POLD2: variants seen among roughly 807,000 people sequenced by gnomAD.
POLD2 encodes DNA polymerase delta subunit 2.
A neutral mutation model predicts 48.8 loss-of-function variants in POLD2; 31 were observed. The observed-to-expected ratio is 0.64, with a 90% CI of 0.48 to 0.86. POLD2 has a LOEUF of 0.86. Among genes scored for constraint, POLD2 ranks in the 40% least tolerant of loss-of-function variants. The probability of loss-of-function intolerance (pLI) is 0.00; values close to 1 mark genes in which losing one functional copy is unlikely to be tolerated. For missense variants in POLD2, 455 were observed against 610.1 expected, an observed-to-expected ratio of 0.75 and a Z score of 2.68; for synonymous variants, 233 against 256.3, an observed-to-expected ratio of 0.91 and a Z score of 0.87.
intron 2 of POLD2, among the ~76,000 whole-genome samples, chr7:44,118,682 T>C (rs1377081943): frequency 6.6e-6 from 1 of 151,162 alleles, no homozygotes; most frequent in Admixed American, 6.6e-5. Context: ...CCAGCTAATT[T>C]TTTTTTTTTT....
intron 9 of POLD2, 110 bp from the exon 10 acceptor site, chr7:44,115,506 A>C: frequency 1.2e-6 from 1 of 808,962 alleles, no homozygotes; most frequent in Non-Finnish European, 2.1e-6. Context: ...GGAGACCCCC[A>C]GTGTGACAAT....
Position 44,115,038 on chromosome 7 carries a change from A to T in POLD2, c.1250-93T>A, listed in dbSNP as rs115474113. 3.5e-4 allele frequency: 396 copies of T among 1,129,068 alleles called. 1 individual carries two copies. The African/African-American group carries it at 5.5e-3, about 16-fold the overall frequency. The allele number at this position is 1,129,068 out of a possible 1,614,324, so 69.9% of individuals were successfully genotyped here. A position where few individuals can be genotyped will look rare whatever the true frequency, so the allele number is the denominator to read the frequency against. ...GAAATAAACAGGAGTCCCCATTGGC[A>T]CACAGTGGGGCAGTGACAATAGGAG... On this transcript the variant is annotated intron_variant, in intron 10 of 10. Transcript: ENST00000610533.
chr7:44,119,054 C>T lies in POLD2; in HGVS notation c.221-990G>A, dbSNP rs3217956. Among the ~76,000 whole-genome samples, 551 of 134,922 alleles carry T rather than the reference C, an allele frequency of 4.1e-3. 9 individuals carry two copies. The highest frequency in any genetic ancestry group is 0.015 in the African/African-American group (529 of 35,728). The allele number at this position is 134,922 out of a possible 152,430, so 88.5% of individuals were successfully genotyped here. On this transcript the variant is annotated intron_variant, in intron 2 of 10. Transcript: ENST00000610533. ...CCACCAAATGCTTCATCCTCTGAGA[C>T]CAGAGATACTCAAAATGCAGACCTC...
intron 2 of POLD2, 30 bp from the exon 3 acceptor site, chr7:44,118,094 TGAA>T (rs2096243167): frequency 8.1e-6 from 13 of 1,611,792 alleles, no homozygotes; most frequent in Non-Finnish European, 1.1e-5. Context: ...GACTCAGAGA[TGAA>T]GTAGCCCCCC....
At position 44,116,484 on chromosome 7, in the gene POLD2, C is replaced by A; in HGVS notation, c.807G>T (p.Gln269His). Reference protein sequence around the residue: ...NKAKYLTKKTQAASVEAVKML... With the variant: ...NKAKYLTKKTHAASVEAVKML... ...TCTTAACAGCCTCCACGCTGGCTGC[C>A]TGGGTTTTCTTGGTGAGGTATTTGG... The change falls in exon 7 of 11, where the codon CAG becomes CAT. Residue 269 changes from glutamine to histidine, a missense_variant. Coordinates refer to ENST00000610533, the MANE Select transcript of POLD2 (RefSeq NM_006230.4). The surrounding 1 kb of genome is among the most constrained non-coding windows in gnomAD (Gnocchi z 6.1). 1 of 1,582,710 alleles carries A rather than the reference C, an allele frequency of 6.3e-7. No individual in the cohort carries two copies. Among genetic ancestry groups the A allele is most frequent in the East Asian group, 2.3e-5 (1 of 43,672 alleles).
At position 44,116,209 on chromosome 7, in the gene POLD2, G is replaced by C. The variant is rs2096238909; in HGVS notation, c.925C>G (p.Gln309Glu). The change falls in exon 8 of 11, where the codon CAG becomes GAG. Residue 309 changes from glutamine to glutamate, a missense_variant. Physicochemically the swap from Gln to Glu is conservative, Grantham distance 29. This residue lies in a region of POLD2 where 349 missense variants were observed against 437.4 expected (regional missense o/e 0.80). Coordinates refer to ENST00000610533, the MANE Select transcript of POLD2 (RefSeq NM_006230.4). The surrounding 1 kb of genome is among the most constrained non-coding windows in gnomAD (Gnocchi z 6.1). ...GGGAACATGCAGGGGTGGAGGGGCT[G>C]CTGGGGGAGCGTGTAATTGGTGGGA... ...FDPTNYTLPQ[Q>E]PLHPCMFPLA... 1 of 1,613,734 alleles carries C rather than the reference G, an allele frequency of 6.2e-7. No individual in the cohort carries two copies. Among genetic ancestry groups the C allele is most frequent in the South Asian group, 1.1e-5 (1 of 91,076 alleles).
intron 3 of POLD2, 24 bp downstream of exon 3, chr7:44,117,919 C>T (rs1041185539): frequency 6.8e-6 from 11 of 1,611,668 alleles, no homozygotes; most frequent in African/African-American, 1.3e-5. Flanking sequence ...CCTGGCGGCC[C>T]CACTGTGTAG....
At chr7:44,117,766 TA>T in intron 3 of POLD2, 24 bp from the exon 4 acceptor site, 1 of 1,613,804 alleles carries the variant, frequency 6.2e-7, no homozygotes, top group Non-Finnish European at 8.5e-7. Context: ...ACAGGAGGTA[TA>T]ATCTTGGGGC....
rs1583560369 is a variant in POLD2 at position 44,115,482 on chromosome 7, A to G, written c.1148-86T>C. 3 of 917,888 alleles carry G rather than the reference A, an allele frequency of 3.3e-6. No individual in the cohort carries two copies. The East Asian group carries it at 7.2e-5, about 22-fold the overall frequency. The allele number at this position is 917,888 out of a possible 1,614,324, so 56.9% of individuals were successfully genotyped here. A position where few individuals can be genotyped will look rare whatever the true frequency, so the allele number is the denominator to read the frequency against. On this transcript the variant is annotated intron_variant, in intron 9 of 10. Coordinates refer to ENST00000610533, the MANE Select transcript of POLD2 (RefSeq NM_006230.4). Reference sequence around the variant, plus strand: ...ATGTGGGGCTGCAGCCCCTCCTCCCATTGCAGGCCAGTAGGAGACCCCCAG... The same window carrying G: ...ATGTGGGGCTGCAGCCCCTCCTCCCGTTGCAGGCCAGTAGGAGACCCCCAG...
chr7:44,120,210 C>T (rs1583568319), intron 2 of POLD2, among the ~76,000 whole-genome samples: 2 of 152,332 alleles, frequency 1.3e-5, no homozygotes, highest in South Asian at 4.1e-4. Flanking sequence ...ACTGTGGCAG[C>T]TGTTTGGTTT....
At chr7:44,120,379 C>T (rs1391087071) in intron 2 of POLD2, among the ~76,000 whole-genome samples, 1 of 152,100 alleles carries the variant, frequency 6.6e-6, no homozygotes, top group Non-Finnish European at 1.5e-5. Flanking sequence ...AGTAACTGAG[C>T]TCTGAAAGGA....
Position 44,117,815 on chromosome 7 carries a change from C to T in POLD2, c.343-73G>A, listed in dbSNP as rs1395093243. 27 of 1,603,898 alleles carry T rather than the reference C, an allele frequency of 1.7e-5. No homozygotes were observed. In the Admixed American group the frequency reaches 4.0e-4, roughly 24 times the overall value. ...AAGCTCTGGTGTTAGTGAGCTGGCACCGCAGCCCCCACCCCTCTGGAGTCC... is the reference window on the plus strand; with the variant it reads ...AAGCTCTGGTGTTAGTGAGCTGGCATCGCAGCCCCCACCCCTCTGGAGTCC... On this transcript the variant is annotated intron_variant, in intron 3 of 10. Coordinates refer to ENST00000610533, the MANE Select transcript of POLD2 (RefSeq NM_006230.4).
In POLD2 at chr7:44,117,697, C is replaced by G. The variant is rs1163498907; in HGVS notation, c.388G>C (p.Asp130His). The change falls in exon 4 of 11, where the codon GAT becomes CAT. Residue 130 changes from aspartate (D) to histidine (H), a missense_variant. Around this residue, in one of 3 missense-constraint regions of POLD2, gnomAD observed 349 missense variants for 437.4 expected, o/e 0.80. Transcript: ENST00000610533. The stretch of plus-strand genomic sequence containing the variant: ...TCATCTTCCAAGACCAGCTCGTCAT[C>G]TGGGTGTATGTATTTACTCCGAGGA... Reference protein sequence around the residue: ...QPPRSKYIHPDDELVLEDELQ... With the variant: ...QPPRSKYIHPHDELVLEDELQ... 6.2e-7 allele frequency: 1 copy of G among 1,613,276 alleles called. No homozygotes were observed. Among genetic ancestry groups the G allele is most frequent in the Non-Finnish European group, 8.5e-7 (1 of 1,179,762 alleles).
intron 3 of POLD2, 43 bp from the exon 4 acceptor site, chr7:44,117,785 C>T: frequency 6.2e-7 from 1 of 1,612,646 alleles, no homozygotes; most frequent in Non-Finnish European, 8.5e-7. Flanking sequence ...GGCCAGAGCC[C>T]ACCAAAGCTC....
At chr7:44,117,062 C>A (rs756568356) in intron 5 of POLD2, 47 bp from the exon 6 acceptor site, 1 of 1,607,944 alleles carries the variant, frequency 6.2e-7, no homozygotes, top group Non-Finnish European at 8.5e-7. Context: ...AGGGAGGCAG[C>A]CCCTCCTAGG....
In POLD2 at chr7:44,116,141, G is replaced by A. The variant is rs760526663; in HGVS notation, c.993C>T (p.Pro331=). The A allele has an allele frequency of 6.2e-7, 1 of 1,613,748 alleles. No individual in the cohort carries two copies. The highest frequency in any genetic ancestry group is 8.5e-7 in the Non-Finnish European group (1 of 1,180,040). Residue 331 remains proline, a synonymous_variant, in exon 8 of 11, where the codon CCC becomes CCT. Coordinates refer to ENST00000610533, the MANE Select transcript of POLD2 (RefSeq NM_006230.4). This position sits in a 1 kb window ranked among gnomAD's most constrained non-coding sequence, Gnocchi z 6.1. ...AYSTLQLVTN[P]YQATIDGVRF... ...TGACTCCATCAATGGTGGCCTGGTAGGGGTTGGTGACCAGCTGGAGCGTGG... is the reference window on the plus strand; with the variant it reads ...TGACTCCATCAATGGTGGCCTGGTAAGGGTTGGTGACCAGCTGGAGCGTGG...
In POLD2 at chr7:44,118,212, C is replaced by G; in HGVS notation, c.221-148G>C. On this transcript the variant is annotated intron_variant, in intron 2 of 10. Transcript: ENST00000610533. The stretch of plus-strand genomic sequence containing the variant: ...ACATCAAGTACAAGGACCCCCTGGA[C>G]TTCACGGTGACAGTAAAAAGTGAGT... 5.6e-6 allele frequency: 5 copies of G among 895,488 alleles called. No individual in the cohort carries two copies. In the South Asian group the frequency reaches 8.9e-5, roughly 16 times the overall value. The allele number at this position is 895,488 out of a possible 1,614,324, so 55.5% of individuals were successfully genotyped here.
At position 44,121,374 on chromosome 7, in the gene POLD2, C is replaced by T. The variant is rs922110424; in HGVS notation, c.220+460G>A. 2.0e-5 allele frequency among the ~76,000 whole-genome samples: 3 copies of T among 152,078 alleles called. No individual in the cohort carries two copies. The highest frequency in any genetic ancestry group is 7.2e-5 in the African/African-American group (3 of 41,392). ...CCCAAGGGACAGGAAAATTCATGGC[C>T]AGCAAATATGGGGGCCAGGAGGAGA... On this transcript the variant is annotated intron_variant, in intron 2 of 10. Coordinates refer to ENST00000610533, the MANE Select transcript of POLD2 (RefSeq NM_006230.4). The surrounding 1 kb of genome is among the most constrained non-coding windows in gnomAD (Gnocchi z 4.5).
intron 1 of POLD2, 149 bp from the exon 2 acceptor site, chr7:44,122,258 C>T (rs917079449): frequency 2.7e-5 from 39 of 1,422,958 alleles, no homozygotes; most frequent in Middle Eastern, 2.6e-4. Context: ...GGAAATTTAT[C>T]GTGCCTGGAT....
Sources: gnomAD v4.1 joint callset for allele counts (sites outside exome capture counted in the v4.1 genomes callset) on GRCh38, gnomAD v4.1.1 for gene constraint, gnomAD v4.1.1 regional missense constraint, Gnocchi (gnomAD v3.1) non-coding constraint, MANE v1.5 for transcripts, NCBI Gene and HGNC (gene_info 2026-07-23, HGNC 2026-07-21) for gene names.